Variants in PPP3CC observed in about 807,000 individuals in gnomAD.
PPP3CC encodes the protein serine/threonine-protein phosphatase 2B catalytic subunit gamma isoform.
A neutral mutation model predicts 60.3 loss-of-function variants in PPP3CC; 35 were observed. That is an observed-to-expected ratio of 0.58 (90% CI 0.44 to 0.77). PPP3CC has a LOEUF of 0.77. Among genes scored for constraint, PPP3CC ranks in the 30% least tolerant of loss-of-function variants. PPP3CC has a pLI of 0.00. For missense variants in PPP3CC, 570 were observed against 628.9 expected (o/e 0.91, Z 1.00); for synonymous variants, 206 against 224.3 (o/e 0.92, Z 0.73).
At chr8:22,449,890 A>G (rs1836956006) in intron 1 of PPP3CC, among the ~76,000 whole-genome samples, 2 of 144,290 alleles carry the variant, frequency 1.4e-5, no homozygotes, top group East Asian at 2.0e-4. Context: ...TTTTTCTGAG[A>G]CAGAGTCTCG....
intron 4 of PPP3CC, among the ~76,000 whole-genome samples, chr8:22,503,103 G>A (rs942585293): frequency 9.2e-5 from 14 of 151,844 alleles, no homozygotes; most frequent in African/African-American, 3.1e-4. Flanking sequence ...TTTCAAATTG[G>A]TAATTTAAAA....
chr8:22,524,392 T>A (rs1341790631), intron 8 of PPP3CC, among the ~76,000 whole-genome samples: 1 of 152,222 alleles, frequency 6.6e-6, no homozygotes, highest in Non-Finnish European at 1.5e-5. Context: ...TCCAGTGACT[T>A]GTCTATTTTA....
intron 10 of PPP3CC, among the ~76,000 whole-genome samples, chr8:22,528,907 A>G (rs2117138160): frequency 6.6e-6 from 1 of 152,216 alleles, no homozygotes; most frequent in East Asian, 1.9e-4. Flanking sequence ...GTCCATGTTG[A>G]TCAGTGTTGT....
At chr8:22,457,003 C>CCCTCCCTCCCTCCCTT (rs1171709528) in intron 1 of PPP3CC, among the ~76,000 whole-genome samples, 2 of 58,098 alleles carry the variant, frequency 3.4e-5, no homozygotes, top group Non-Finnish European at 6.4e-5. Flanking sequence ...CTCCCTCCCT[C>CCCTCCCTCCCTCCCTT]CCTCCCTCCC....
intron 3 of PPP3CC, among the ~76,000 whole-genome samples, chr8:22,489,737 A>T (rs1278533601): frequency 1.8e-3 from 76 of 42,310 alleles, no homozygotes; most frequent in South Asian, 2.9e-3. Context: ...TTATATATAT[A>T]ATAAGTATAT....
intron 1 of PPP3CC, among the ~76,000 whole-genome samples, chr8:22,453,788 C>A (rs905106774): frequency 1.3e-5 from 2 of 152,126 alleles, no homozygotes; most frequent in African/African-American, 4.8e-5. Context: ...AACTGTAACA[C>A]AACAGTAAGT....
At chr8:22,502,092 T>C (rs191954866) in intron 4 of PPP3CC, among the ~76,000 whole-genome samples, 10 of 152,356 alleles carry the variant, frequency 6.6e-5, no homozygotes, top group African/African-American at 2.2e-4. Context: ...AGATAATCTT[T>C]CTTTTGCCAT....
chr8:22,499,445 C>CA (rs1241426528), intron 4 of PPP3CC, among the ~76,000 whole-genome samples: 2,789 of 92,524 alleles, frequency 0.03, 103 homozygotes, highest in African/African-American at 0.099. Flanking sequence ...GACTCCGTCT[C>CA]AAAAAAAAAA....
chr8:22,444,142 G>A (rs1586774982), intron 1 of PPP3CC, among the ~76,000 whole-genome samples: 1 of 152,092 alleles, frequency 6.6e-6, no homozygotes, highest in Non-Finnish European at 1.5e-5. Flanking sequence ...TGTAATGCCA[G>A]CTACTTGGGA....
intron 1 of PPP3CC, among the ~76,000 whole-genome samples, chr8:22,450,836 T>C (rs1405117169): frequency 6.7e-6 from 1 of 148,506 alleles, no homozygotes; most frequent in Non-Finnish European, 1.5e-5. Flanking sequence ...TATTTATTTA[T>C]TTATTTATTT....
intron 6 of PPP3CC, among the ~76,000 whole-genome samples, chr8:22,518,632 A>G (rs1157298327): frequency 6.6e-6 from 1 of 152,138 alleles, no homozygotes; most frequent in East Asian, 1.9e-4. Flanking sequence ...TTGCTTATTG[A>G]TTTCTGACTG....
intron 4 of PPP3CC, among the ~76,000 whole-genome samples, chr8:22,498,417 C>G (rs963214265): frequency 1.8e-4 from 27 of 152,240 alleles, no homozygotes; most frequent in African/African-American, 4.3e-4. Flanking sequence ...CTACTCCAGC[C>G]TGGGCGACAA....
intron 1 of PPP3CC, among the ~76,000 whole-genome samples, chr8:22,470,171 G>C (rs1184573982): frequency 6.6e-6 from 1 of 151,670 alleles, no homozygotes; most frequent in Non-Finnish European, 1.5e-5. Flanking sequence ...ACCCAGGCTA[G>C]AGTACAGTGG....
intron 1 of PPP3CC, among the ~76,000 whole-genome samples, chr8:22,471,774 T>C (rs1448549350): frequency 1.3e-5 from 2 of 152,124 alleles, no homozygotes; most frequent in East Asian, 1.9e-4. Flanking sequence ...TATTGTACAC[T>C]ACTGGAGACT....
intron 3 of PPP3CC, among the ~76,000 whole-genome samples, chr8:22,483,848 A>G (rs988259478): frequency 1.3e-5 from 2 of 151,826 alleles, no homozygotes; most frequent in African/African-American, 4.8e-5. Context: ...AATTAAAAAA[A>G]ATTTTTTTAA....
Position 22,465,150 on chromosome 8 carries a change from G to A in PPP3CC, c.50-9804G>A, listed in dbSNP as rs191459242. 1.5e-4 allele frequency among the ~76,000 whole-genome samples: 23 copies of A among 151,644 alleles called. No individual in the cohort carries two copies. The East Asian group carries it at 4.5e-3, about 30-fold the overall frequency. On this transcript the variant is annotated intron_variant, in intron 1 of 13. Transcript: ENST00000240139. ...TTTTTGTTGTGTTTTTAGTAGAGAC[G>A]GGGTTTCACCATGTTGCCCAGGCTG...
intron 1 of PPP3CC, among the ~76,000 whole-genome samples, chr8:22,455,272 C>T (rs1006020478): frequency 6.6e-6 from 1 of 152,022 alleles, no homozygotes; most frequent in Non-Finnish European, 1.5e-5. Context: ...CATATAATAG[C>T]CTCTCAAAAA....
At chr8:22,514,993 A>T (rs1304154945) in intron 6 of PPP3CC, among the ~76,000 whole-genome samples, 1 of 152,038 alleles carries the variant, frequency 6.6e-6, no homozygotes, top group Non-Finnish European at 1.5e-5. Flanking sequence ...TAGTTATTTT[A>T]AAATTTACAA....
intron 12 of PPP3CC, among the ~76,000 whole-genome samples, chr8:22,535,621 G>T (rs1013125842): frequency 6.6e-6 from 1 of 152,084 alleles, no homozygotes; most frequent in Non-Finnish European, 1.5e-5. Flanking sequence ...TCAGCTACTC[G>T]AGTGGCTGGG....
Sources: allele counts gnomAD v4.1 joint callset (sites outside exome capture counted in the v4.1 genomes callset), GRCh38; gene constraint gnomAD v4.1.1; transcripts MANE v1.5; gene names NCBI Gene and HGNC (gene_info 2026-07-23, HGNC 2026-07-21).